Variants in WWOX observed in about 807,000 individuals in gnomAD.
WWOX encodes WW domain-containing oxidoreductase.
Under a neutral mutation model 46.2 loss-of-function variants are expected in WWOX, and 69 were observed. The ratio of observed to expected loss-of-function variants is 1.49; its 90% CI spans 1.23 to 1.82. WWOX has a LOEUF of 1.82. Ranked by LOEUF, WWOX falls within the 40% of genes most tolerant of loss-of-function variation. WWOX has a pLI of 0.00. For missense variants in WWOX, 919 were observed against 542.6 expected (o/e 1.69, Z -6.89); for synonymous variants, 359 against 202.6 (o/e 1.77, Z -6.56).
intron 5 of WWOX, among the ~76,000 whole-genome samples, chr16:78,196,599 G>T (rs2151769741): frequency 6.6e-6 from 1 of 152,316 alleles, no homozygotes; most frequent in Non-Finnish European, 1.5e-5. Flanking sequence ...CCTGAGGAAA[G>T]ATTGTGTTGG....
At position 78,900,445 on chromosome 16, in the gene WWOX, G is replaced by T. The variant is rs545433492; in HGVS notation, c.1057-311163G>T. Among the ~76,000 whole-genome samples, 9 of 152,260 alleles carry T rather than the reference G, an allele frequency of 5.9e-5. No individual in the cohort carries two copies. The South Asian group carries it at 1.9e-3, about 32-fold the overall frequency. On this transcript the variant is annotated intron_variant, in intron 8 of 8. Transcript: ENST00000566780. Reference sequence around the variant, plus strand: ...TTTTTCCTTAAAAATGAGACTTTCTGTTAGGAAAGTGATTCATGAAACAGT... The same window carrying T: ...TTTTTCCTTAAAAATGAGACTTTCTTTTAGGAAAGTGATTCATGAAACAGT...
chr16:78,765,886 A>T (rs1014329547), intron 8 of WWOX, among the ~76,000 whole-genome samples: 14 of 152,184 alleles, frequency 9.2e-5, no homozygotes, highest in African/African-American at 3.4e-4. Flanking sequence ...GGCATTGCGG[A>T]GGCAGAAATT....
chr16:79,088,540 C>G (rs2048895449), intron 8 of WWOX, among the ~76,000 whole-genome samples: 1 of 152,152 alleles, frequency 6.6e-6, no homozygotes, highest in African/African-American at 2.4e-5. Context: ...AGAAAAATGA[C>G]AACATAAAGA....
Position 78,346,408 on chromosome 16 carries a change from A to C in WWOX, c.517-40452A>C, listed in dbSNP as rs1711931610. On this transcript the variant is annotated intron_variant, in intron 5 of 8. Coordinates refer to ENST00000566780, the MANE Select transcript of WWOX (RefSeq NM_016373.4). ...ATATATCTGTTTTATCTTGGGGGAT[A>C]ATACTCTGGAGTGGAATGGGCAGGG... 2.3e-5 allele frequency among the ~76,000 whole-genome samples: 2 copies of C among 86,778 alleles called. 1 individual carries two copies. The highest frequency in any genetic ancestry group is 7.7e-4 in the South Asian group (2 of 2,608). The allele number at this position is 86,778 out of a possible 152,430, so 56.9% of individuals were successfully genotyped here.
At chr16:78,973,248 T>TA (rs1464178746) in intron 8 of WWOX, among the ~76,000 whole-genome samples, 2 of 152,174 alleles carry the variant, frequency 1.3e-5, no homozygotes, top group Non-Finnish European at 1.5e-5. Flanking sequence ...TGGAATCTCG[T>TA]AATGAGTAAT....
At chr16:79,118,609 G>T (rs766982274) in intron 8 of WWOX, among the ~76,000 whole-genome samples, 6 of 152,166 alleles carry the variant, frequency 3.9e-5, no homozygotes, top group Non-Finnish European at 8.8e-5. Flanking sequence ...GAGGTATGCC[G>T]ATAATACATA....
chr16:78,768,355 TGAG>T (rs1298868641), intron 8 of WWOX, among the ~76,000 whole-genome samples: 1 of 150,154 alleles, frequency 6.7e-6, no homozygotes, highest in Admixed American at 6.6e-5. Context: ...TTTGGGAGGC[TGAG>T]GTGGGCGGAT....
chr16:79,144,954 G>C (rs1438903170), intron 8 of WWOX, among the ~76,000 whole-genome samples: 1 of 152,046 alleles, frequency 6.6e-6, no homozygotes, highest in Non-Finnish European at 1.5e-5. Flanking sequence ...ATATATGTAG[G>C]GTTTGGAACC....
rs113917648 is a variant in WWOX at position 78,642,862 on chromosome 16, C to T, written c.1056+210110C>T. On this transcript the variant is annotated intron_variant, in intron 8 of 8. Transcript: ENST00000566780. ...ATTAGGCAATACTTTAATAATCAAC[C>T]AAATTCTGGAATCCTACTGCCAAAT... is the stretch of plus-strand genomic sequence containing the variant. 9.0e-3 allele frequency among the ~76,000 whole-genome samples: 1,368 copies of T among 152,246 alleles called. 17 individuals are homozygous for T. Among genetic ancestry groups the T allele is most frequent in the African/African-American group, 0.031 (1,283 of 41,530 alleles).
At chr16:78,171,402 C>G (rs2035156412) in intron 5 of WWOX, among the ~76,000 whole-genome samples, 1 of 152,150 alleles carries the variant, frequency 6.6e-6, no homozygotes, top group Non-Finnish European at 1.5e-5. Flanking sequence ...TCCTTTGACA[C>G]TAAAAGCTTA....
intron 8 of WWOX, among the ~76,000 whole-genome samples, chr16:79,029,263 C>A (rs2047706536): frequency 1.3e-5 from 2 of 152,176 alleles, no homozygotes. Flanking sequence ...TTTGAGTTTT[C>A]ACGCGGAAAC....
At chr16:78,423,434 A>G (rs1399879841) in intron 6 of WWOX, among the ~76,000 whole-genome samples, 1 of 152,302 alleles carries the variant, frequency 6.6e-6, no homozygotes, top group East Asian at 1.9e-4. Flanking sequence ...TTTGTCACAA[A>G]CACCGTGGAT....
chr16:78,142,825 G>C (rs1482383672), intron 4 of WWOX, among the ~76,000 whole-genome samples: 1 of 152,106 alleles, frequency 6.6e-6, no homozygotes, highest in Non-Finnish European at 1.5e-5. Context: ...AATATTTTTA[G>C]CTTAGTAATT....
At chr16:78,614,335 T>G (rs1323249065) in intron 8 of WWOX, among the ~76,000 whole-genome samples, 1 of 152,218 alleles carries the variant, frequency 6.6e-6, no homozygotes, top group Non-Finnish European at 1.5e-5. Flanking sequence ...TATTTGTGTG[T>G]GTATTGTTCT....
intron 8 of WWOX, among the ~76,000 whole-genome samples, chr16:78,617,185 G>C (rs2151638373): frequency 6.6e-6 from 1 of 152,266 alleles, no homozygotes; most frequent in African/African-American, 2.4e-5. Context: ...GCTGAGGCAG[G>C]TGGATCACTT....
intron 6 of WWOX, among the ~76,000 whole-genome samples, chr16:78,409,245 A>G (rs190633852): frequency 0.03 from 4,505 of 152,122 alleles, 214 homozygotes; most frequent in African/African-American, 0.1. Context: ...CTAGCACTGT[A>G]CAATAAAAGG....
intron 8 of WWOX, among the ~76,000 whole-genome samples, chr16:79,198,540 G>C (rs1567611955): frequency 6.6e-6 from 1 of 152,148 alleles, no homozygotes; most frequent in African/African-American, 2.4e-5. Context: ...CCCCTTGGTG[G>C]AGCAACCTAA....
At chr16:78,596,827 C>G (rs892525431) in intron 8 of WWOX, among the ~76,000 whole-genome samples, 1 of 151,968 alleles carries the variant, frequency 6.6e-6, no homozygotes, top group Non-Finnish European at 1.5e-5. Context: ...CATCTTTCTA[C>G]TGTGATCTCA....
chr16:78,175,219 G>A (rs913982607), intron 5 of WWOX, among the ~76,000 whole-genome samples: 3 of 151,984 alleles, frequency 2.0e-5, no homozygotes, highest in African/African-American at 7.2e-5. Flanking sequence ...AGCCTACCCT[G>A]TGTTCCTAGG....
Sources: gnomAD v4.1 joint callset for allele counts (sites outside exome capture counted in the v4.1 genomes callset) on GRCh38, gnomAD v4.1.1 for gene constraint, MANE v1.5 for transcripts, NCBI Gene and HGNC (gene_info 2026-07-23, HGNC 2026-07-21) for gene names.